FHIT: variants seen among roughly 807,000 people sequenced by gnomAD.
FHIT encodes fragile histidine triad diadenosine triphosphatase, also known as bis(5'-adenosyl)-triphosphatase.
Under a neutral mutation model 17.9 loss-of-function variants are expected in FHIT, and 19 were observed. The ratio of observed to expected loss-of-function variants is 1.06; its 90% confidence interval spans 0.74 to 1.56. The LOEUF (loss-of-function observed/expected upper bound fraction) is 1.56, where lower values mean the gene tolerates loss of function less well. Ranked by LOEUF, FHIT falls within the 40% of genes most tolerant of loss-of-function variation. The probability of loss-of-function intolerance (pLI) is 0.00; values close to 1 mark genes in which losing one functional copy is unlikely to be tolerated. For missense variants in FHIT, 248 were observed against 189.2 expected, an observed-to-expected ratio of 1.31 and a Z score of -1.82; for synonymous variants, 81 against 69.7, an observed-to-expected ratio of 1.16 and a Z score of -0.81.
chr3:60,084,787 T>C (rs529094448), intron 5 of FHIT, among the ~76,000 whole-genome samples: 1 of 152,298 alleles, frequency 6.6e-6, no homozygotes, highest in South Asian at 2.1e-4. Context: ...AGACTGAAAT[T>C]GAAATTCAAT....
At chr3:60,042,177 A>T (rs112156139) in intron 5 of FHIT, among the ~76,000 whole-genome samples, 1 of 152,336 alleles carries the variant, frequency 6.6e-6, no homozygotes, top group Non-Finnish European at 1.5e-5. Flanking sequence ...AGGAAAAGGC[A>T]TTAGAAATTT....
At chr3:60,959,871 C>G (rs1019438805) in intron 3 of FHIT, among the ~76,000 whole-genome samples, 2 of 145,826 alleles carry the variant, frequency 1.4e-5, no homozygotes, top group Admixed American at 1.4e-4. Context: ...AATTTTCATT[C>G]TCATTTCTTT....
intron 2 of FHIT, among the ~76,000 whole-genome samples, chr3:61,186,400 T>G (rs2038510532): frequency 6.6e-6 from 1 of 152,170 alleles, no homozygotes; most frequent in Non-Finnish European, 1.5e-5. Flanking sequence ...GCGCCTGACC[T>G]ACATCAAACC....
At position 60,396,914 on chromosome 3, in the gene FHIT, A is replaced by C. The variant is rs186643974; in HGVS notation, c.103+139946T>G. On this transcript the variant is annotated intron_variant, in intron 5 of 9. Transcript: ENST00000492590. ...CATTTAAAGAATCACTATAAAAAGGAAACTTTATCCTCCTCATATCTAAGT... is the reference window on the plus strand; with the variant it reads ...CATTTAAAGAATCACTATAAAAAGGCAACTTTATCCTCCTCATATCTAAGT... Among the ~76,000 whole-genome samples the C allele has an allele frequency of 2.1e-3, 315 of 152,282 alleles. 1 individual carries two copies. The highest frequency in any genetic ancestry group is 2.8e-3 in the Non-Finnish European group (191 of 68,024).
intron 7 of FHIT, among the ~76,000 whole-genome samples, chr3:59,965,118 CAG>C (rs1252690417): frequency 1.3e-5 from 2 of 152,166 alleles, no homozygotes; most frequent in South Asian, 2.1e-4. Flanking sequence ...TCATGTAAAT[CAG>C]AGAGTTAGCA....
intron 4 of FHIT, among the ~76,000 whole-genome samples, chr3:60,647,402 A>G (rs1411812149): frequency 6.6e-6 from 1 of 152,180 alleles, no homozygotes; most frequent in African/African-American, 2.4e-5. Context: ...AGATAAGGAA[A>G]TCATGTTGCA....
At chr3:60,020,822 G>A (rs889231143) in intron 5 of FHIT, among the ~76,000 whole-genome samples, 7 of 152,172 alleles carry the variant, frequency 4.6e-5, no homozygotes, top group African/African-American at 1.7e-4. Flanking sequence ...CAATTACAGA[G>A]CTTTGAGTCA....
intron 8 of FHIT, among the ~76,000 whole-genome samples, chr3:59,904,861 C>T (rs2107103418): frequency 6.6e-6 from 1 of 152,282 alleles, no homozygotes; most frequent in East Asian, 1.9e-4. Flanking sequence ...TGGGAAGTGC[C>T]TGCTGATTTG....
chr3:61,148,857 T>A (rs1353386363), intron 2 of FHIT, among the ~76,000 whole-genome samples: 2 of 152,156 alleles, frequency 1.3e-5, no homozygotes, highest in African/African-American at 2.4e-5. Context: ...ATGAACAAAA[T>A]TCAGAGCATA....
chr3:60,275,688 A>C (rs1347340569), intron 5 of FHIT, among the ~76,000 whole-genome samples: 2 of 152,166 alleles, frequency 1.3e-5, no homozygotes, highest in Non-Finnish European at 2.9e-5. Context: ...TATGTGATCA[A>C]TAAATGCATA....
intron 4 of FHIT, among the ~76,000 whole-genome samples, chr3:60,669,939 T>C (rs1185636974): frequency 3.3e-5 from 5 of 152,230 alleles, no homozygotes; most frequent in African/African-American, 1.2e-4. Flanking sequence ...TTGTTATCAA[T>C]TGGCTTGGTC....
At chr3:60,738,734 A>C (rs1161426870) in intron 4 of FHIT, among the ~76,000 whole-genome samples, 1 of 152,118 alleles carries the variant, frequency 6.6e-6, no homozygotes, top group Non-Finnish European at 1.5e-5. Context: ...AGAGAATAAG[A>C]CCTCTGAAGC....
chr3:60,220,718 G>C (rs1186942574), intron 5 of FHIT, among the ~76,000 whole-genome samples: 6 of 152,084 alleles, frequency 3.9e-5, no homozygotes, highest in African/African-American at 1.2e-4. Flanking sequence ...TTCATGCATG[G>C]TGGCAACAAA....
intron 3 of FHIT, among the ~76,000 whole-genome samples, chr3:60,945,500 C>T (rs1024618279): frequency 2.0e-5 from 3 of 152,188 alleles, no homozygotes; most frequent in Admixed American, 6.5e-5. Context: ...TCGAGTGATT[C>T]TCCAGCCTCA....
At chr3:61,027,747 C>A (rs1340517608) in intron 3 of FHIT, among the ~76,000 whole-genome samples, 1 of 152,124 alleles carries the variant, frequency 6.6e-6, no homozygotes, top group Non-Finnish European at 1.5e-5. Context: ...CATAGACTGG[C>A]TATGGATATA....
chr3:59,748,002 G>A lies in FHIT; in HGVS notation c.*1583C>T, dbSNP rs1198762602. 2.6e-5 allele frequency among the ~76,000 whole-genome samples: 4 copies of A among 152,106 alleles called. No homozygotes were observed. The highest frequency in any genetic ancestry group is 9.7e-5 in the African/African-American group (4 of 41,406). ...TTAATCCTTCTGAATATGCCAAATG[G>A]AGAGTTTCGGTTTGGTGCTAGAATT... On this transcript the variant is annotated 3_prime_UTR_variant, in exon 10 of 10. Coordinates refer to ENST00000492590, the MANE Select transcript of FHIT (RefSeq NM_002012.4).
Position 61,036,909 on chromosome 3 carries a change from T to TTTG in FHIT, c.-111+5137_-111+5138insCAA, listed in dbSNP as rs1553807387. ...AAAGATCAGTCTGCTTTGTTTTTTTTTTTTGTTTGTTTGTTTTTTTGAGAT... is the reference window on the plus strand; with the variant it reads ...AAAGATCAGTCTGCTTTGTTTTTTTTTTGTTTTGTTTGTTTGTTTTTTTGAGAT... On this transcript the variant is annotated intron_variant, in intron 3 of 9. Transcript: ENST00000492590. Among the ~76,000 whole-genome samples the TTTG allele has an allele frequency of 4.1e-4, 56 of 136,290 alleles. 1 individual carries two copies. The highest frequency in any genetic ancestry group is 8.6e-4 in the Non-Finnish European group (54 of 63,012). 89.4% of individuals were successfully genotyped at this position (136,290 alleles called of 152,430 possible).
intron 8 of FHIT, among the ~76,000 whole-genome samples, chr3:59,857,876 T>C (rs1702233739): frequency 6.6e-6 from 1 of 151,994 alleles, no homozygotes; most frequent in South Asian, 2.1e-4. Flanking sequence ...AACCAGGTGG[T>C]GAAAGAAGGT....
intron 5 of FHIT, among the ~76,000 whole-genome samples, chr3:60,465,186 T>C (rs1327921390): frequency 6.6e-6 from 1 of 152,170 alleles, no homozygotes; most frequent in African/African-American, 2.4e-5. Context: ...GAAATGTCTA[T>C]CCAGATCTCT....
Sources: allele counts gnomAD v4.1 joint callset (sites outside exome capture counted in the v4.1 genomes callset), GRCh38; gene constraint gnomAD v4.1.1; transcripts MANE v1.5; gene names NCBI Gene and HGNC (gene_info 2026-07-23, HGNC 2026-07-21).